Variants in TMEM132C observed in about 807,000 individuals in gnomAD.
The protein encoded by TMEM132C is transmembrane protein 132C.
In TMEM132C, 29 loss-of-function variants were observed where a neutral mutation model predicts 61.4. That is an observed-to-expected ratio of 0.47 (90% CI 0.35 to 0.64). The LOEUF is 0.64. Ranked by LOEUF, TMEM132C falls within the 30% of genes least tolerant of loss-of-function variation. The pLI is 0.00. For missense variants in TMEM132C, 1,408 were observed against 1,476.9 expected, an observed-to-expected ratio of 0.95 and a Z score of 0.76; for synonymous variants, 656 against 633.1, an observed-to-expected ratio of 1.04 and a Z score of -0.54.
intron 3 of TMEM132C, among the ~76,000 whole-genome samples, chr12:128,591,046 G>A (rs1472623506): frequency 6.6e-6 from 1 of 152,130 alleles, no homozygotes; most frequent in Non-Finnish European, 1.5e-5. Flanking sequence ...GCCTCCCAAA[G>A]TCCTGGGATT....
At chr12:128,548,669 A>T (rs547703147) in intron 3 of TMEM132C, among the ~76,000 whole-genome samples, 4 of 152,318 alleles carry the variant, frequency 2.6e-5, no homozygotes, top group African/African-American at 9.6e-5. Flanking sequence ...TGCCACATAA[A>T]AAAACCACCC....
At chr12:128,644,639 G>T (rs545513461) in intron 4 of TMEM132C, among the ~76,000 whole-genome samples, 71 of 152,176 alleles carry the variant, frequency 4.7e-4, no homozygotes, top group Non-Finnish European at 8.8e-4. Context: ...GGGACTTTCT[G>T]CATAACGGTG....
At chr12:128,339,218 A>T (rs1483163827) in intron 1 of TMEM132C, among the ~76,000 whole-genome samples, 1 of 150,616 alleles carries the variant, frequency 6.6e-6, no homozygotes, top group Non-Finnish European at 1.5e-5. Context: ...CGTGCCAGGG[A>T]CCTCCAAGGG....
intron 5 of TMEM132C, among the ~76,000 whole-genome samples, chr12:128,677,325 A>G (rs765191448): frequency 6.6e-6 from 1 of 152,120 alleles, no homozygotes; most frequent in African/African-American, 2.4e-5. Context: ...GGTATGGGGG[A>G]CACAGCAATT....
chr12:128,544,032 G>T lies in TMEM132C; in HGVS notation c.1050G>T (p.Glu350Asp). 1.3e-6 allele frequency: 2 copies of T among 1,548,580 alleles called. 1 individual carries two copies. Reference protein sequence around the residue: ...REPRQWGVKQEVGSGGKHVTA... With the variant: ...REPRQWGVKQDVGSGGKHVTA... ...CCCGGCAGTGGGGCGTCAAGCAGGAGGTGGGCAGCGGCGGAAAGCACGTGA... is the reference window on the plus strand; with the variant it reads ...CCCGGCAGTGGGGCGTCAAGCAGGATGTGGGCAGCGGCGGAAAGCACGTGA... Residue 350 changes from glutamate (E) to aspartate (D), a missense_variant, in exon 3 of 9, where the codon GAG becomes GAT. Physicochemically the swap from Glu to Asp is conservative, Grantham distance 45. Transcript: ENST00000435159.
chr12:128,637,751 A>G (rs1299703260), intron 4 of TMEM132C, among the ~76,000 whole-genome samples: 1 of 152,144 alleles, frequency 6.6e-6, no homozygotes, highest in Non-Finnish European at 1.5e-5. Context: ...AGCACTGCAG[A>G]TAAAATGAGG....
In TMEM132C at chr12:128,494,719, C is replaced by G. The variant is rs112889419; in HGVS notation, c.975-49238C>G. Reference sequence around the variant, plus strand: ...TCCCCTTTATCATTTTTTATTGCATCTATTTGATTCTTCTCTCTTTTCTTC... The same window carrying G: ...TCCCCTTTATCATTTTTTATTGCATGTATTTGATTCTTCTCTCTTTTCTTC... On this transcript the variant is annotated intron_variant, in intron 2 of 8. Transcript: ENST00000435159. Among the ~76,000 whole-genome samples, 189 of 152,050 alleles carry G rather than the reference C, an allele frequency of 1.2e-3. 3 individuals carry two copies. The highest frequency in any genetic ancestry group is 3.7e-3 in the African/African-American group (154 of 41,488).
chr12:128,407,207 G>A (rs1224453436), intron 1 of TMEM132C, among the ~76,000 whole-genome samples: 1 of 152,148 alleles, frequency 6.6e-6, no homozygotes, highest in African/African-American at 2.4e-5. Flanking sequence ...AAGATCTAAT[G>A]GTTTTATAAA....
At chr12:128,365,845 T>C (rs1388665856) in intron 1 of TMEM132C, among the ~76,000 whole-genome samples, 5 of 152,066 alleles carry the variant, frequency 3.3e-5, no homozygotes, top group Non-Finnish European at 7.4e-5. Context: ...GGGATGGAGG[T>C]GGCCAGGCTG....
At chr12:128,538,711 G>A (rs972994215) in intron 2 of TMEM132C, among the ~76,000 whole-genome samples, 7 of 152,096 alleles carry the variant, frequency 4.6e-5, no homozygotes, top group African/African-American at 1.4e-4. Flanking sequence ...ACCGAGTAAC[G>A]CACTGATGTT....
chr12:128,537,611 G>T (rs77190106), intron 2 of TMEM132C, among the ~76,000 whole-genome samples: 10,218 of 152,274 alleles, frequency 0.067, 1,197 homozygotes, highest in African/African-American at 0.23. Flanking sequence ...GAACTGTAGT[G>T]CTAGAGAACA....
At chr12:128,679,251 A>G (rs1954615596) in intron 5 of TMEM132C, among the ~76,000 whole-genome samples, 1 of 152,202 alleles carries the variant, frequency 6.6e-6, no homozygotes. Flanking sequence ...TGGCTAGTGG[A>G]CTTGGGTCTT....
intron 2 of TMEM132C, among the ~76,000 whole-genome samples, chr12:128,473,608 A>ATCCTCACGCCAGCCTCCT (rs1871055987): frequency 6.7e-6 from 1 of 149,282 alleles, no homozygotes; most frequent in African/African-American, 2.5e-5. Context: ...CTCTATCTTC[A>ATCCTCACGCCAGCCTCCT]TCTTCACTCC....
chr12:128,527,186 G>A lies in TMEM132C; in HGVS notation c.975-16771G>A, dbSNP rs1174275272. On this transcript the variant is annotated intron_variant, in intron 2 of 8. Coordinates refer to ENST00000435159, the MANE Select transcript of TMEM132C (RefSeq NM_001136103.3). ...TGGAAAGCAACCATGGATGGTCGCT[G>A]TGTCCAGAATTGCACCCCAACATGA... Among the ~76,000 whole-genome samples the A allele has an allele frequency of 3.9e-5, 6 of 152,194 alleles. No homozygotes were observed. In the East Asian group the frequency reaches 9.6e-4, roughly 24 times the overall value.
rs532575040 is a variant in TMEM132C, at chr12:128,322,011, C to T, written c.85+54524C>T. Among the ~76,000 whole-genome samples, 10 of 152,294 alleles carry T rather than the reference C, an allele frequency of 6.6e-5. 1 individual carries two copies. In the East Asian group the frequency reaches 9.6e-4, roughly 15 times the overall value. On this transcript the variant is annotated intron_variant, in intron 1 of 8. Transcript: ENST00000435159. ...CCCCAGAATGACCATAGTGATATTACCAGACCCACACACTCTCCCAGAATC... is the reference window on the plus strand; with the variant it reads ...CCCCAGAATGACCATAGTGATATTATCAGACCCACACACTCTCCCAGAATC...
chr12:128,280,849 C>T (rs1307636681), intron 1 of TMEM132C, among the ~76,000 whole-genome samples: 1 of 152,088 alleles, frequency 6.6e-6, no homozygotes, highest in African/African-American at 2.4e-5. Context: ...AGTTTCTGAA[C>T]CATTCAACCC....
At chr12:128,610,747 G>A (rs1198816447) in intron 3 of TMEM132C, among the ~76,000 whole-genome samples, 1 of 152,200 alleles carries the variant, frequency 6.6e-6, no homozygotes, top group Non-Finnish European at 1.5e-5. Flanking sequence ...ATTGAAAGAA[G>A]AAAAGATTTC....
intron 1 of TMEM132C, among the ~76,000 whole-genome samples, chr12:128,300,088 T>C (rs1471702591): frequency 6.6e-6 from 1 of 152,244 alleles, no homozygotes; most frequent in African/African-American, 2.4e-5. Context: ...AAATCCATGA[T>C]CAAAGCAGGT....
intron 2 of TMEM132C, among the ~76,000 whole-genome samples, chr12:128,517,934 G>T (rs1241406106): frequency 2.0e-5 from 3 of 152,186 alleles, no homozygotes; most frequent in Admixed American, 6.5e-5. Flanking sequence ...TGCTAAATGA[G>T]CTTAGCCTCA....
Sources: allele counts gnomAD v4.1 joint callset (sites outside exome capture counted in the v4.1 genomes callset), GRCh38; gene constraint gnomAD v4.1.1; transcripts MANE v1.5; gene names NCBI Gene and HGNC (gene_info 2026-07-23, HGNC 2026-07-21).